The following CACHD1 variants were observed in gnomAD, a reference collection of about 807,000 sequenced individuals.
The protein encoded by CACHD1 is cache domain containing 1, also known as VWFA and cache domain-containing protein 1.
CACHD1 carries 71 observed loss-of-function variants against 138.7 expected under a neutral mutation model. The ratio of observed to expected loss-of-function variants is 0.51; its 90% CI spans 0.42 to 0.62. The LOEUF is 0.62. CACHD1 is among the 20% of genes least tolerant of loss of function. CACHD1 has a pLI of 0.00. For synonymous variants in CACHD1, 578 were observed against 591.5 expected, an observed-to-expected ratio of 0.98 and a Z score of 0.33; for missense variants, 1,389 against 1,625.3, an observed-to-expected ratio of 0.85 and a Z score of 2.50.
intron 7 of CACHD1, among the ~76,000 whole-genome samples, chr1:64,636,867 T>C (rs1648541156): frequency 6.6e-6 from 1 of 152,162 alleles, no homozygotes. Flanking sequence ...TTCTTCTTCT[T>C]AGAAGCAAGT....
chr1:64,478,110 T>G (rs12082651), intron 1 of CACHD1, among the ~76,000 whole-genome samples: 200 of 152,360 alleles, frequency 1.3e-3, no homozygotes, highest in African/African-American at 4.3e-3. Context: ...GGAGGTTGTT[T>G]AGGCTACATT....
At position 64,471,550 on chromosome 1, in the gene CACHD1, C is replaced by T. The variant is rs541315305; in HGVS notation, c.198+608C>T. Among the ~76,000 whole-genome samples, 6 of 151,878 alleles carry T rather than the reference C, an allele frequency of 4.0e-5. No individual in the cohort carries two copies. The South Asian group carries it at 1.0e-3, about 26-fold the overall frequency. ...CGAGTGGGCTCCGCGCTCCTTTCCC[C>T]TCCCGGGAGCATGGGGGGAGGGGCT... is the stretch of plus-strand genomic sequence containing the variant. On this transcript the variant is annotated intron_variant, in intron 1 of 26. Coordinates refer to ENST00000651257, the MANE Select transcript of CACHD1 (RefSeq NM_020925.4).
At chr1:64,546,042 AAG>A (rs1468648529) in intron 1 of CACHD1, among the ~76,000 whole-genome samples, 2 of 152,240 alleles carry the variant, frequency 1.3e-5, no homozygotes, top group African/African-American at 4.8e-5. Flanking sequence ...AAAAACAAGA[AAG>A]AGTAATGGGC....
chr1:64,626,489 A>G lies in CACHD1; in HGVS notation c.518-2866A>G, dbSNP rs996106023. Among the ~76,000 whole-genome samples, 8 of 152,358 alleles carry G rather than the reference A, an allele frequency of 5.3e-5. No individual in the cohort carries two copies. The East Asian group carries it at 1.5e-3, about 29-fold the overall frequency. On this transcript the variant is annotated intron_variant, in intron 4 of 26. Coordinates refer to ENST00000651257, the MANE Select transcript of CACHD1 (RefSeq NM_020925.4). ...AATATATTGTCACTCCGCACTCTAC[A>G]TCATATGTAGATGGCAACAGCAAAT... is the stretch of plus-strand genomic sequence containing the variant.
chr1:64,640,731 A>T (rs1448626969), intron 7 of CACHD1, among the ~76,000 whole-genome samples: 35 of 121,250 alleles, frequency 2.9e-4, no homozygotes, highest in South Asian at 7.9e-4. Context: ...ACACACACAC[A>T]CTCTCAACAT....
intron 2 of CACHD1, among the ~76,000 whole-genome samples, chr1:64,562,780 G>A (rs4915670): frequency 0.81 from 123,711 of 152,032 alleles, 52,351 homozygotes; most frequent in South Asian, 0.94. Context: ...TTATTCAAGC[G>A]TATTATCTTT....
chr1:64,553,398 G>T (rs1041081600), intron 2 of CACHD1, among the ~76,000 whole-genome samples: 1 of 152,100 alleles, frequency 6.6e-6, no homozygotes, highest in Admixed American at 6.5e-5. Flanking sequence ...TGTTTACCTC[G>T]TATGTTTCCT....
intron 1 of CACHD1, among the ~76,000 whole-genome samples, chr1:64,533,161 A>G (rs1475090734): frequency 1.3e-5 from 2 of 152,164 alleles, no homozygotes; most frequent in Non-Finnish European, 2.9e-5. Flanking sequence ...TTTGAGACCA[A>G]CCTGGTCAAC....
chr1:64,597,372 A>G (rs1279967189), intron 3 of CACHD1, among the ~76,000 whole-genome samples: 9 of 152,144 alleles, frequency 5.9e-5, no homozygotes, highest in Non-Finnish European at 1.3e-4. Context: ...AGCAAACGTC[A>G]ATCAAGTGAA....
chr1:64,587,383 C>A (rs1166515452), intron 3 of CACHD1, among the ~76,000 whole-genome samples: 1 of 152,140 alleles, frequency 6.6e-6, no homozygotes, highest in African/African-American at 2.4e-5. Context: ...GAGAGAGGAG[C>A]TTTAAAGACC....
At chr1:64,623,685 G>T (rs186187352) in intron 4 of CACHD1, among the ~76,000 whole-genome samples, 2 of 152,130 alleles carry the variant, frequency 1.3e-5, no homozygotes, top group Non-Finnish European at 2.9e-5. Context: ...GTAAAACACC[G>T]GAGGAGGATT....
intron 2 of CACHD1, among the ~76,000 whole-genome samples, chr1:64,569,571 G>T (rs560946389): frequency 2.0e-5 from 3 of 152,236 alleles, no homozygotes; most frequent in African/African-American, 4.8e-5. Flanking sequence ...GAGCAGCGGG[G>T]GCCTTGCGGC....
chr1:64,530,046 A>G lies in CACHD1; in HGVS notation c.199-20548A>G, dbSNP rs116398141. ...GTGAAGATCATTTAGTGTTTACTGA[A>G]GTAGCACAGTGCCTGGCAATAAAAG... On this transcript the variant is annotated intron_variant, in intron 1 of 26. Transcript: ENST00000651257. 4.6e-3 allele frequency among the ~76,000 whole-genome samples: 707 copies of G among 152,354 alleles called. 3 individuals are homozygous for G. Among genetic ancestry groups the G allele is most frequent in the African/African-American group, 0.016 (685 of 41,588 alleles).
chr1:64,552,849 T>A (rs1474660164), intron 2 of CACHD1, among the ~76,000 whole-genome samples: 2 of 152,260 alleles, frequency 1.3e-5, no homozygotes, highest in Non-Finnish European at 2.9e-5. Flanking sequence ...CAGGAGTCTC[T>A]GCTAAACTGT....
intron 1 of CACHD1, among the ~76,000 whole-genome samples, chr1:64,476,233 C>T (rs527921800): frequency 1.3e-5 from 2 of 152,320 alleles, no homozygotes; most frequent in African/African-American, 4.8e-5. Context: ...AACACCTGAA[C>T]AGGACTCTGA....
chr1:64,548,513 T>G (rs1439098892), intron 1 of CACHD1, among the ~76,000 whole-genome samples: 1 of 152,198 alleles, frequency 6.6e-6, no homozygotes, highest in Non-Finnish European at 1.5e-5. Flanking sequence ...AGCATTATAA[T>G]GTAGTGAACT....
chr1:64,496,706 G>A (rs1646307980), intron 1 of CACHD1, among the ~76,000 whole-genome samples: 1 of 152,058 alleles, frequency 6.6e-6, no homozygotes, highest in Non-Finnish European at 1.5e-5. Context: ...GGTGAAGTGA[G>A]TCAAAGTCTC....
chr1:64,526,003 G>A (rs1386761815), intron 1 of CACHD1, among the ~76,000 whole-genome samples: 3 of 152,178 alleles, frequency 2.0e-5, no homozygotes, highest in African/African-American at 7.2e-5. Context: ...TACTATTAGG[G>A]CCAAATAAAA....
chr1:64,662,439 G>A (rs1649474592), intron 13 of CACHD1, among the ~76,000 whole-genome samples: 1 of 152,186 alleles, frequency 6.6e-6, no homozygotes, highest in Admixed American at 6.5e-5. Context: ...CGGACAGGAT[G>A]AAACAACAAT....
Sources: gnomAD v4.1 joint callset for allele counts (sites outside exome capture counted in the v4.1 genomes callset) on GRCh38, gnomAD v4.1.1 for gene constraint, MANE v1.5 for transcripts, NCBI Gene and HGNC (gene_info 2026-07-23, HGNC 2026-07-21) for gene names.